ENTREP2: variants seen among roughly 807,000 people sequenced by gnomAD.
The protein encoded by ENTREP2 is protein ENTREP2.
chr15:29,132,840 C>CT, the ENTREP2 span, among the ~76,000 whole-genome samples: 1 of 152,114 alleles, frequency 6.6e-6, no homozygotes, highest in South Asian at 2.1e-4. Context: ...GGGTTCCTGT[C>CT]GTCAGGAGGC....
At chr15:29,644,799 A>C in the ENTREP2 span, among the ~76,000 whole-genome samples, 1 of 149,962 alleles carries the variant, frequency 6.7e-6, no homozygotes, top group Non-Finnish European at 1.5e-5. Context: ...CGAGACTCCA[A>C]GACTCCATCT....
chr15:29,210,805 G>A, the ENTREP2 span, among the ~76,000 whole-genome samples: 8 of 152,146 alleles, frequency 5.3e-5, no homozygotes, highest in African/African-American at 9.7e-5. Flanking sequence ...CAAAGCAGTG[G>A]TCTCTGTGTC....
At chr15:29,641,892 G>A in the ENTREP2 span, among the ~76,000 whole-genome samples, 7 of 149,050 alleles carry the variant, frequency 4.7e-5, no homozygotes, top group African/African-American at 1.7e-4. Context: ...ATCATTAAAA[G>A]GAATAAAATA....
chr15:29,559,051 C>T, the ENTREP2 span, among the ~76,000 whole-genome samples: 2 of 152,032 alleles, frequency 1.3e-5, no homozygotes, highest in Non-Finnish European at 2.9e-5. Context: ...TGCCCCTAAC[C>T]GTGTACTGTT....
chr15:29,530,614 C>A, the ENTREP2 span, among the ~76,000 whole-genome samples: 1 of 152,234 alleles, frequency 6.6e-6, no homozygotes, highest in Non-Finnish European at 1.5e-5. Flanking sequence ...AACATCCTGT[C>A]CTGCTGTGCG....
At chr15:29,674,706 G>T in the ENTREP2 span, among the ~76,000 whole-genome samples, 8 of 151,624 alleles carry the variant, frequency 5.3e-5, no homozygotes, top group East Asian at 9.8e-4. Flanking sequence ...AGGCATGCCG[G>T]GGGGGCGGAG....
chr15:29,634,181 G>A, the ENTREP2 span, among the ~76,000 whole-genome samples: 17 of 152,124 alleles, frequency 1.1e-4, no homozygotes, highest in African/African-American at 3.1e-4. Context: ...GGAGGGTGGC[G>A]GAGACCCTAA....
chr15:29,656,114 T>C, the ENTREP2 span, among the ~76,000 whole-genome samples: 5 of 151,122 alleles, frequency 3.3e-5, no homozygotes, highest in South Asian at 6.3e-4. Flanking sequence ...TTGAATTCTA[T>C]ACCCAGTGAA....
chr15:29,553,183 C>T, the ENTREP2 span, among the ~76,000 whole-genome samples: 3,984 of 152,260 alleles, frequency 0.026, 163 homozygotes, highest in African/African-American at 0.089. Context: ...GTAATCCCAG[C>T]TGCTTGGGAG....
the ENTREP2 span, among the ~76,000 whole-genome samples, chr15:29,390,639 G>C: frequency 6.6e-6 from 1 of 152,260 alleles, no homozygotes. Context: ...GGGAAATAAT[G>C]GCATCCTTAG....
chr15:29,168,137 A>T, the ENTREP2 span, among the ~76,000 whole-genome samples: 2 of 152,194 alleles, frequency 1.3e-5, no homozygotes, highest in Non-Finnish European at 2.9e-5. Context: ...ATGCAAGGGC[A>T]TAAGAATGAT....
the ENTREP2 span, among the ~76,000 whole-genome samples, chr15:29,492,176 T>A: frequency 6.6e-6 from 1 of 152,110 alleles, no homozygotes; most frequent in African/African-American, 2.4e-5. Flanking sequence ...ATTTATTGCA[T>A]GTAACTTACT....
chr15:29,601,186 C>G, the ENTREP2 span, among the ~76,000 whole-genome samples: 1 of 148,774 alleles, frequency 6.7e-6, no homozygotes, highest in East Asian at 1.9e-4. Context: ...CGTGAGCCAC[C>G]GCGCCCGGCC....
chr15:29,321,352 A>T, the ENTREP2 span, among the ~76,000 whole-genome samples: 4 of 152,178 alleles, frequency 2.6e-5, no homozygotes, highest in Admixed American at 6.5e-5. Context: ...AAATTATCCC[A>T]TAAAAGTGAA....
the ENTREP2 span, among the ~76,000 whole-genome samples, chr15:29,212,867 T>C: frequency 5.9e-5 from 9 of 152,252 alleles, no homozygotes; most frequent in African/African-American, 2.2e-4. Context: ...TCCTGGCCCA[T>C]GCCTATGTCC....
the ENTREP2 span, among the ~76,000 whole-genome samples, chr15:29,593,716 C>T: frequency 2.0e-5 from 3 of 152,320 alleles, no homozygotes; most frequent in South Asian, 6.2e-4. Context: ...TGCGTCAGGT[C>T]ACTCTGTGCA....
At chr15:29,207,601 A>G in the ENTREP2 span, among the ~76,000 whole-genome samples, 1 of 151,990 alleles carries the variant, frequency 6.6e-6, no homozygotes, top group African/African-American at 2.4e-5. Flanking sequence ...AGCGCTGATT[A>G]GTGCATTTTA....
At chr15:29,204,366 G>A in the ENTREP2 span, among the ~76,000 whole-genome samples, 3 of 152,208 alleles carry the variant, frequency 2.0e-5, no homozygotes, top group Non-Finnish European at 1.5e-5. Flanking sequence ...ATGGGTATGT[G>A]ACCTTCAGAT....
At chr15:29,570,201 G>C in the ENTREP2 span, among the ~76,000 whole-genome samples, 1 of 151,792 alleles carries the variant, frequency 6.6e-6, no homozygotes. Context: ...CGCGGTCCCC[G>C]GCGCTCCCTC....
Sources: gnomAD v4.1 joint callset for allele counts (sites outside exome capture counted in the v4.1 genomes callset) on GRCh38, gnomAD v4.1.1 for gene constraint, MANE v1.5 for transcripts, NCBI Gene and HGNC (gene_info 2026-07-23, HGNC 2026-07-21) for gene names.